Variants in ZDHHC11B observed in about 807,000 individuals in gnomAD.
ZDHHC11B encodes the protein zDHHC palmitoyltransferase 11B (putative).
In ZDHHC11B, 17 loss-of-function variants were observed where a neutral mutation model predicts 42.3. That is an observed-to-expected ratio of 0.40 (90% CI 0.27 to 0.60). The LOEUF (loss-of-function observed/expected upper bound fraction) is 0.60. Ranked by LOEUF, ZDHHC11B falls within the 20% of genes least tolerant of loss-of-function variation. The pLI is 0.41. For synonymous variants in ZDHHC11B, 123 were observed against 193.5 expected, an observed-to-expected ratio of 0.64 and a Z score of 3.02; for missense variants, 262 against 463.2, an observed-to-expected ratio of 0.57 and a Z score of 3.99.
At chr5:730,372 T>G (rs1742928318) in intron 12 of ZDHHC11B, 62 bp downstream of exon 12, 1 of 1,515,658 alleles carries the variant, frequency 6.6e-7, no homozygotes, top group African/African-American at 1.4e-5. Context: ...TTTTCCTAGG[T>G]AATTTGAGTT....
In ZDHHC11B at chr5:772,546, G is replaced by A. The variant is rs1001104322; in HGVS notation, c.-229-3616C>T. Among the ~76,000 whole-genome samples the A allele has an allele frequency of 1.6e-3, 231 of 148,216 alleles. 4 individuals are homozygous for A. The East Asian group carries it at 0.037, about 24-fold the overall frequency. On this transcript the variant is annotated intron_variant, in intron 1 of 13. Transcript: ENST00000508859. Reference sequence around the variant, plus strand: ...AGACGTGGCCACACCCCCTGCGGAGGTGCTTGGTGACTGGGCTTCCCAGGA... The same window carrying A: ...AGACGTGGCCACACCCCCTGCGGAGATGCTTGGTGACTGGGCTTCCCAGGA...
At chr5:760,056 G>C (rs1297553913) in intron 4 of ZDHHC11B, among the ~76,000 whole-genome samples, 1 of 151,894 alleles carries the variant, frequency 6.6e-6, no homozygotes, top group Non-Finnish European at 1.5e-5. Context: ...TGGAGATCCA[G>C]GTGTGGAGTG....
chr5:756,443 A>T (rs10044944), intron 4 of ZDHHC11B, among the ~76,000 whole-genome samples: 2 of 151,072 alleles, frequency 1.3e-5, no homozygotes, highest in African/African-American at 2.4e-5. Flanking sequence ...GAGGCTACCC[A>T]TCGGCCCTGC....
chr5:715,885 G>C (rs1231094630), intron 13 of ZDHHC11B, among the ~76,000 whole-genome samples: 1 of 151,512 alleles, frequency 6.6e-6, no homozygotes, highest in Non-Finnish European at 1.5e-5. Context: ...GGAGCTGCCT[G>C]GAGCACAGGA....
chr5:732,651 G>T (rs1229213936), intron 11 of ZDHHC11B: 1 of 451,618 alleles, frequency 2.2e-6, no homozygotes, highest in Non-Finnish European at 4.4e-6. Context: ...CTGGGGAAGT[G>T]CGGTGAGGCG....
At chr5:767,086 G>C in intron 3 of ZDHHC11B, 167 bp from the exon 4 acceptor site, 1 of 953,760 alleles carries the variant, frequency 1.0e-6, no homozygotes, top group Admixed American at 2.6e-5. Context: ...GGGAGCAGGG[G>C]TTGGGCTGGA....
chr5:764,854 C>G (rs1186761035), intron 4 of ZDHHC11B, among the ~76,000 whole-genome samples: 3 of 151,510 alleles, frequency 2.0e-5, no homozygotes, highest in Non-Finnish European at 2.9e-5. Flanking sequence ...ACCTTTATGT[C>G]TAGCTAAGGG....
intron 12 of ZDHHC11B, among the ~76,000 whole-genome samples, chr5:718,488 A>G (rs1001330191): frequency 6.6e-6 from 1 of 151,778 alleles, no homozygotes. Context: ...CCTGGCTAAC[A>G]TGGTGAAACT....
intron 1 of ZDHHC11B, among the ~76,000 whole-genome samples, chr5:772,659 T>G (rs1736156215): frequency 6.6e-6 from 1 of 151,722 alleles, no homozygotes. Flanking sequence ...CCACGGGCGC[T>G]TGGGAGGGCT....
chr5:742,801 G>A (rs1744316558), intron 9 of ZDHHC11B, among the ~76,000 whole-genome samples: 1 of 148,948 alleles, frequency 6.7e-6, no homozygotes, highest in Non-Finnish European at 1.5e-5. Context: ...TTTTCTTAAT[G>A]GTGACTTTTG....
At chr5:775,453 T>A (rs1427612560) in intron 1 of ZDHHC11B, among the ~76,000 whole-genome samples, 1 of 151,938 alleles carries the variant, frequency 6.6e-6, no homozygotes, top group Non-Finnish European at 1.5e-5. Flanking sequence ...GGCAGCCAAC[T>A]GGATTCCACC....
At chr5:760,548 T>C (rs1734470019) in intron 4 of ZDHHC11B, among the ~76,000 whole-genome samples, 1 of 151,534 alleles carries the variant, frequency 6.6e-6, no homozygotes, top group Admixed American at 6.6e-5. Flanking sequence ...AGGCACCCGG[T>C]TTTTGGTGCT....
intron 1 of ZDHHC11B, among the ~76,000 whole-genome samples, chr5:783,503 C>T (rs1470946041): frequency 7.7e-5 from 11 of 142,500 alleles, no homozygotes; most frequent in African/African-American, 2.7e-4. Context: ...CCGGGGTGGG[C>T]GGAGGGGCCC....
intron 1 of ZDHHC11B, among the ~76,000 whole-genome samples, chr5:779,926 G>A (rs1447474696): frequency 2.1e-4 from 31 of 145,020 alleles, no homozygotes; most frequent in African/African-American, 7.0e-4. Flanking sequence ...TCTACAAATC[G>A]ATAGGAACTC....
At chr5:727,015 G>A (rs1289911934) in intron 12 of ZDHHC11B, among the ~76,000 whole-genome samples, 2 of 130,958 alleles carry the variant, frequency 1.5e-5, no homozygotes, top group Non-Finnish European at 3.3e-5. Context: ...AAAATTAATG[G>A]GTTGTGTGAA....
chr5:722,083 G>A (rs201326847), intron 12 of ZDHHC11B, among the ~76,000 whole-genome samples: 114 of 149,832 alleles, frequency 7.6e-4, no homozygotes, highest in African/African-American at 2.7e-3. Context: ...ATAAAGACTC[G>A]GCTCTCAAAA....
intron 8 of ZDHHC11B, among the ~76,000 whole-genome samples, chr5:746,611 C>T (rs1199949393): frequency 2.0e-4 from 30 of 147,942 alleles, no homozygotes; most frequent in African/African-American, 6.6e-4. Flanking sequence ...GGCTTCAGGC[C>T]CACTGCACTT....
intron 11 of ZDHHC11B, among the ~76,000 whole-genome samples, chr5:730,890 G>A (rs1255648260): frequency 6.6e-6 from 1 of 151,866 alleles, no homozygotes; most frequent in African/African-American, 2.4e-5. Flanking sequence ...CCGTCTACAA[G>A]GCAAGGAGAG....
intron 4 of ZDHHC11B, among the ~76,000 whole-genome samples, chr5:765,709 C>G (rs566460614): frequency 2.6e-5 from 4 of 151,910 alleles, no homozygotes; most frequent in African/African-American, 9.7e-5. Context: ...CTCTAACACT[C>G]GCAGTGAAGG....
Sources: gnomAD v4.1 joint callset for allele counts (sites outside exome capture counted in the v4.1 genomes callset) on GRCh38, gnomAD v4.1.1 for gene constraint, MANE v1.5 for transcripts, NCBI Gene and HGNC (gene_info 2026-07-23, HGNC 2026-07-21) for gene names.